Variants in USH2A observed in about 807,000 individuals in gnomAD.
USH2A encodes the protein Usher syndrome 2A (autosomal recessive, mild).
In USH2A, 443 loss-of-function variants were observed where a neutral mutation model predicts 538.9. The observed-to-expected ratio is 0.82, with a 90% CI of 0.76 to 0.89. The LOEUF (loss-of-function observed/expected upper bound fraction) is 0.89. USH2A is among the 40% of genes least tolerant of loss of function. The pLI, the probability that USH2A is intolerant of heterozygous loss-of-function variation, is 0.00. For synonymous variants in USH2A, 2,413 were observed against 2,273.5 expected (o/e 1.06, Z -1.75); for missense variants, 6,633 against 6,324.8 (o/e 1.05, Z -1.65).
At chr1:216,146,874 A>G (rs553238789) in intron 21 of USH2A, among the ~76,000 whole-genome samples, 1 of 151,826 alleles carries the variant, frequency 6.6e-6, no homozygotes, top group African/African-American at 2.4e-5. Flanking sequence ...AACCTCTTCA[A>G]CTCACACCTG....
intron 37 of USH2A, among the ~76,000 whole-genome samples, chr1:215,958,415 T>A (rs1411343803): frequency 1.3e-5 from 2 of 152,202 alleles, no homozygotes; most frequent in Non-Finnish European, 2.9e-5. Flanking sequence ...CACTTTCATC[T>A]AGTTTAAACC....
intron 4 of USH2A, among the ~76,000 whole-genome samples, chr1:216,362,669 G>A (rs2038516453): frequency 6.6e-6 from 1 of 151,964 alleles, no homozygotes; most frequent in Admixed American, 6.6e-5. Context: ...ACGGCAGGGT[G>A]CGGTGGCTCA....
chr1:216,257,270 C>T (rs1049216738), intron 11 of USH2A, among the ~76,000 whole-genome samples: 3 of 151,370 alleles, frequency 2.0e-5, no homozygotes, highest in Non-Finnish European at 2.9e-5. Flanking sequence ...TTTATTTCAC[C>T]TTCATCTTAG....
intron 33 of USH2A, 22 bp downstream of exon 33, chr1:216,000,381 G>A: frequency 6.2e-7 from 1 of 1,613,238 alleles, no homozygotes; most frequent in Non-Finnish European, 8.5e-7. Context: ...CAGCATGTGA[G>A]AGAGACAACA....
intron 4 of USH2A, among the ~76,000 whole-genome samples, chr1:216,337,632 T>C (rs371436494): frequency 3.7e-4 from 56 of 151,530 alleles, no homozygotes; most frequent in African/African-American, 1.2e-3. Context: ...ATGCTTGCTC[T>C]CACTGCTTTT....
chr1:216,133,564 C>A (rs1157898029), intron 21 of USH2A, among the ~76,000 whole-genome samples: 2 of 152,066 alleles, frequency 1.3e-5, no homozygotes, highest in African/African-American at 4.8e-5. Context: ...GACTGCTGAT[C>A]ACTTCCCTCA....
chr1:216,241,901 T>G (rs1443659260), intron 13 of USH2A, among the ~76,000 whole-genome samples: 1 of 152,166 alleles, frequency 6.6e-6, no homozygotes, highest in African/African-American at 2.4e-5. Flanking sequence ...TCCAAAGGTT[T>G]ATTGCAAATT....
chr1:215,835,327 T>C (rs1663446130), intron 47 of USH2A, among the ~76,000 whole-genome samples: 1 of 151,980 alleles, frequency 6.6e-6, no homozygotes, highest in Non-Finnish European at 1.5e-5. Context: ...GAGATCATTC[T>C]TTTTTTTCTA....
At chr1:216,253,865 T>A (rs917006492) in intron 11 of USH2A, among the ~76,000 whole-genome samples, 1 of 152,224 alleles carries the variant, frequency 6.6e-6, no homozygotes, top group Non-Finnish European at 1.5e-5. Flanking sequence ...GAGATTTTCA[T>A]TGGCACTCCA....
intron 61 of USH2A, among the ~76,000 whole-genome samples, chr1:215,721,373 T>C (rs1235453503): frequency 2.6e-5 from 4 of 151,982 alleles, no homozygotes; most frequent in African/African-American, 4.8e-5. Flanking sequence ...TCGCCCCCAG[T>C]CTAGACTGAA....
In USH2A at chr1:215,840,163, CAAAAAAAAAAAAAAA is replaced by C. The variant is rs60766928; in HGVS notation, c.9259-2075_9259-2061del. 3.4e-4 allele frequency among the ~76,000 whole-genome samples: 10 copies of C among 29,520 alleles called. No individual in the cohort carries two copies. The East Asian group carries it at 8.9e-3, about 26-fold the overall frequency. The allele number at this position is 29,520 out of a possible 152,430, so 19.4% of individuals were successfully genotyped here. ...GGGTGAGAAGAGTGAGACTCTGTCT[CAAAAAAAAAAAAAAA>C]AAAAAAAAAAAAAAAAAGTAGATAC... On this transcript the variant is annotated intron_variant, in intron 46 of 71. Coordinates refer to ENST00000307340, the MANE Select transcript of USH2A (RefSeq NM_206933.4).
At chr1:216,261,999 T>A (rs545206615) in intron 11 of USH2A, among the ~76,000 whole-genome samples, 7 of 152,146 alleles carry the variant, frequency 4.6e-5, no homozygotes, top group Non-Finnish European at 1.0e-4. Context: ...GAGACTACAC[T>A]ACTGTGCCCA....
intron 30 of USH2A, among the ~76,000 whole-genome samples, chr1:216,053,461 T>C (rs1438911112): frequency 6.7e-6 from 1 of 149,980 alleles, no homozygotes; most frequent in Admixed American, 6.6e-5. Flanking sequence ...AGTCTTTTTT[T>C]TTTTTTTTTT....
intron 38 of USH2A, among the ~76,000 whole-genome samples, chr1:215,933,789 T>C (rs1423041524): frequency 1.3e-5 from 2 of 151,986 alleles, no homozygotes; most frequent in Non-Finnish European, 2.9e-5. Context: ...AGATGCTGGA[T>C]GTCCTGGGGT....
chr1:215,889,359 A>G (rs1665150581), intron 40 of USH2A, among the ~76,000 whole-genome samples: 2 of 152,194 alleles, frequency 1.3e-5, no homozygotes, highest in South Asian at 4.1e-4. Context: ...TAAAAAAATA[A>G]ATTTAATAAA....
At chr1:215,937,274 A>G (rs1218238578) in intron 37 of USH2A, among the ~76,000 whole-genome samples, 1 of 152,156 alleles carries the variant, frequency 6.6e-6, no homozygotes, top group Admixed American at 6.6e-5. Flanking sequence ...GCACTCCTCT[A>G]TATGTGTAAT....
chr1:215,817,352 A>C (rs147154676), intron 47 of USH2A, among the ~76,000 whole-genome samples, 157 bp from the exon 48 acceptor site: 1,931 of 151,984 alleles, frequency 0.013, 18 homozygotes, highest in Non-Finnish European at 0.02. Context: ...AATCAAAATT[A>C]TGTTAGCTTT....
intron 13 of USH2A, among the ~76,000 whole-genome samples, chr1:216,240,383 C>T (rs2926178): frequency 0.94 from 143,656 of 152,202 alleles, 67,877 homozygotes; most frequent in East Asian, 0.98. Flanking sequence ...TGGTGTCCAA[C>T]TGTTTGGTCG....
Position 216,048,555 on chromosome 1 carries a change from T to C in USH2A, c.6142A>G (p.Asn2048Asp). 6.2e-7 allele frequency: 1 copy of C among 1,614,100 alleles called. No individual in the cohort carries two copies. Among genetic ancestry groups the C allele is most frequent in the Non-Finnish European group, 8.5e-7 (1 of 1,179,942 alleles). The change falls in exon 31 of 72, where the codon AAC (asparagine) becomes GAC (aspartate). Residue 2048 changes from asparagine to aspartate, a missense_variant. By Grantham distance (23) the Asn-to-Asp change is conservative (BLOSUM62 1). Transcript: ENST00000307340. The stretch of plus-strand genomic sequence containing the variant: ...TTACCTTCTTGTGGAGTAGAGATGT[T>C]CAATGCATGTGAGCTCTCAGTACAG... ...AGCTESSHAL[N>D]ISTPQEAPQE...
Sources: allele counts gnomAD v4.1 joint callset (sites outside exome capture counted in the v4.1 genomes callset), GRCh38; gene constraint gnomAD v4.1.1; transcripts MANE v1.5; gene names NCBI Gene and HGNC (gene_info 2026-07-23, HGNC 2026-07-21).